Variants in CDK17 observed in about 807,000 individuals in gnomAD.
The protein encoded by CDK17 is cyclin dependent kinase 17.
In CDK17, 24 loss-of-function variants were observed where a neutral mutation model predicts 77.6. The observed-to-expected ratio is 0.31, with a 90% confidence interval of 0.22 to 0.44. The LOEUF (loss-of-function observed/expected upper bound fraction) is 0.44. CDK17 is among the 20% of genes least tolerant of loss of function. The pLI, the probability that CDK17 is intolerant of heterozygous loss-of-function variation, is 1.00. For missense variants in CDK17, 429 were observed against 622.5 expected (o/e 0.69, Z 3.31); for synonymous variants, 203 against 210.4 (o/e 0.96, Z 0.30).
At chr12:96,383,066 G>T (rs1031699216) in intron 1 of CDK17, among the ~76,000 whole-genome samples, 1 of 152,094 alleles carries the variant, frequency 6.6e-6, no homozygotes, top group African/African-American at 2.4e-5. Flanking sequence ...TTCAGTAAAG[G>T]TTCAGGATAC....
rs538497619 is a variant in CDK17 at position 96,375,239 on chromosome 12, A to T, written c.-30+24747T>A. Among the ~76,000 whole-genome samples, 9 of 152,334 alleles carry T rather than the reference A, an allele frequency of 5.9e-5. No homozygotes were observed. In the South Asian group the frequency reaches 1.0e-3, roughly 18 times the overall value. On this transcript the variant is annotated intron_variant, in intron 1 of 16. Coordinates refer to ENST00000261211, the MANE Select transcript of CDK17 (RefSeq NM_002595.5). ...TCTTCACTGCTCCTTGCCTATAATTATAGGAGTTTGACCAGTCCTTCATTA... is the reference window on the plus strand; with the variant it reads ...TCTTCACTGCTCCTTGCCTATAATTTTAGGAGTTTGACCAGTCCTTCATTA...
At chr12:96,322,346 G>A (rs1275373618) in intron 3 of CDK17, among the ~76,000 whole-genome samples, 3 of 152,124 alleles carry the variant, frequency 2.0e-5, no homozygotes, top group Admixed American at 2.0e-4. Context: ...TAGAACAAGG[G>A]TCTAGAACAA....
intron 1 of CDK17, 127 bp downstream of exon 1, chr12:96,399,859 G>C (rs1283504090): frequency 3.8e-6 from 1 of 262,864 alleles, no homozygotes; most frequent in Non-Finnish European, 7.1e-6. Context: ...TCAACTTCCC[G>C]ACCGGGCCTG....
chr12:96,334,942 G>A, intron 1 of CDK17, 77 bp from the exon 2 acceptor site: 2 of 702,242 alleles, frequency 2.8e-6, no homozygotes, highest in South Asian at 3.1e-5. Context: ...TGGGTTTACT[G>A]GAAATCTTTA....
intron 1 of CDK17, among the ~76,000 whole-genome samples, chr12:96,349,254 G>A (rs1467615507): frequency 6.6e-6 from 1 of 152,124 alleles, no homozygotes; most frequent in Admixed American, 6.5e-5. Context: ...AGGCGTTGGA[G>A]ACCAGCCTGG....
At chr12:96,339,785 C>G (rs780808896) in intron 1 of CDK17, among the ~76,000 whole-genome samples, 3 of 151,564 alleles carry the variant, frequency 2.0e-5, no homozygotes, top group Non-Finnish European at 4.4e-5. Flanking sequence ...TAAAAATTAG[C>G]CAGGCATGGT....
rs181403553 is a variant in CDK17, at chr12:96,365,209, A to G, written c.-29-30344T>C. 6.5e-3 allele frequency among the ~76,000 whole-genome samples: 993 copies of G among 152,328 alleles called. 16 individuals carry two copies. Among genetic ancestry groups the G allele is most frequent in the African/African-American group, 0.023 (957 of 41,572 alleles). ...CCCTATGCCAATCATTAAAATAATT[A>G]TTCCACAAAGTTGATAATTCATTCA... On this transcript the variant is annotated intron_variant, in intron 1 of 16. Coordinates refer to ENST00000261211, the MANE Select transcript of CDK17 (RefSeq NM_002595.5).
At chr12:96,318,761 G>A (rs1037384094) in intron 3 of CDK17, among the ~76,000 whole-genome samples, 10 of 145,042 alleles carry the variant, frequency 6.9e-5, no homozygotes, top group African/African-American at 2.6e-4. Flanking sequence ...CGAGAACAAA[G>A]ACACAACATA....
intron 1 of CDK17, among the ~76,000 whole-genome samples, chr12:96,381,143 T>C (rs1243648810): frequency 6.6e-6 from 1 of 152,192 alleles, no homozygotes; most frequent in Non-Finnish European, 1.5e-5. Context: ...CATAACCTTT[T>C]ATCAAGATGC....
chr12:96,400,163 T>G lies in CDK17; in HGVS notation c.-207A>C. The stretch of plus-strand genomic sequence containing the variant: ...GCCGCCTTCCGGCTCTCGCCGCGGG[T>G]CCGGAGCCTCGGGAGGGGCCGCGGG... On this transcript the variant is annotated 5_prime_UTR_variant, in exon 1 of 17. Coordinates refer to ENST00000261211, the MANE Select transcript of CDK17 (RefSeq NM_002595.5). The G allele has an allele frequency of 7.6e-6, 3 of 394,222 alleles. No homozygotes were observed. The highest frequency in any genetic ancestry group is 1.3e-5 in the Non-Finnish European group (3 of 223,286). 24.4% of individuals were successfully genotyped at this position (394,222 alleles called of 1,614,324 possible).
chr12:96,295,561 A>T (rs1441618069), intron 9 of CDK17, among the ~76,000 whole-genome samples: 2 of 152,212 alleles, frequency 1.3e-5, no homozygotes, highest in Admixed American at 1.3e-4. Context: ...AAAAACTCTG[A>T]TCTGGGGCAG....
chr12:96,342,875 T>G (rs1486735238), intron 1 of CDK17, among the ~76,000 whole-genome samples: 1 of 151,898 alleles, frequency 6.6e-6, no homozygotes, highest in East Asian at 1.9e-4. Context: ...CGCAGGAGAA[T>G]CGCTTGAACC....
chr12:96,304,060 C>G (rs1404613589), intron 5 of CDK17, among the ~76,000 whole-genome samples: 2 of 152,124 alleles, frequency 1.3e-5, no homozygotes, highest in East Asian at 3.9e-4. Context: ...ATAAAAGTTA[C>G]GTGAATGCAG....
chr12:96,306,830 A>G (rs1327704640), intron 5 of CDK17, among the ~76,000 whole-genome samples: 1 of 152,216 alleles, frequency 6.6e-6, no homozygotes, highest in Non-Finnish European at 1.5e-5. Flanking sequence ...ACTATGTTCA[A>G]ATATAAACCT....
intron 1 of CDK17, among the ~76,000 whole-genome samples, chr12:96,366,360 C>T (rs1953582734): frequency 6.6e-6 from 1 of 152,128 alleles, no homozygotes; most frequent in Non-Finnish European, 1.5e-5. Context: ...ATGACCCAGT[C>T]CCTCATATAA....
At chr12:96,358,728 G>C (rs1953446477) in intron 1 of CDK17, among the ~76,000 whole-genome samples, 3 of 152,134 alleles carry the variant, frequency 2.0e-5, no homozygotes, top group Non-Finnish European at 4.4e-5. Flanking sequence ...AGGAGGCTGA[G>C]GCAGGAGAAT....
At chr12:96,303,158 TCAGAGGA>T (rs1952531108) in intron 5 of CDK17, 1 of 152,188 alleles carries the variant, frequency 6.6e-6, no homozygotes, top group African/African-American at 2.4e-5. Context: ...CAGAAATTAT[TCAGAGGA>T]CAGAGGACAA....
At chr12:96,311,300 G>T (rs887466949) in intron 4 of CDK17, 123 bp from the exon 5 acceptor site, 49 of 732,580 alleles carry the variant, frequency 6.7e-5, no homozygotes, top group Non-Finnish European at 9.4e-5. Flanking sequence ...CAGTTGCAAA[G>T]TTACCTACAT....
At chr12:96,304,553 A>C (rs1487182655) in intron 5 of CDK17, among the ~76,000 whole-genome samples, 2 of 152,118 alleles carry the variant, frequency 1.3e-5, no homozygotes, top group African/African-American at 4.8e-5. Flanking sequence ...AACAAAAAAG[A>C]AACAGCAGGG....
Sources: allele counts gnomAD v4.1 joint callset (sites outside exome capture counted in the v4.1 genomes callset), GRCh38; gene constraint gnomAD v4.1.1; transcripts MANE v1.5; gene names NCBI Gene and HGNC (gene_info 2026-07-23, HGNC 2026-07-21).